The following NEGR1 variants were observed in gnomAD, a reference collection of about 807,000 sequenced individuals.
The protein encoded by NEGR1 is neuronal growth regulator 1, also known as IgLON family member 4.
A neutral mutation model predicts 40.9 loss-of-function variants in NEGR1; 10 were observed. That is an observed-to-expected ratio of 0.24 (90% CI 0.15 to 0.42). The LOEUF is 0.42. NEGR1 is among the 10% of genes least tolerant of loss of function. The pLI is 1.00. For synonymous variants in NEGR1, 185 were observed against 166.8 expected, an observed-to-expected ratio of 1.11 and a Z score of -0.84; for missense variants, 352 against 438.9, an observed-to-expected ratio of 0.80 and a Z score of 1.77.
At chr1:71,897,666 C>G (rs1265330519) in intron 2 of NEGR1, among the ~76,000 whole-genome samples, 1 of 152,058 alleles carries the variant, frequency 6.6e-6, no homozygotes, top group Non-Finnish European at 1.5e-5. Context: ...TGAAAATTTG[C>G]TAATGGTATA....
chr1:71,442,868 C>T (rs2101315287), intron 6 of NEGR1, among the ~76,000 whole-genome samples: 1 of 152,260 alleles, frequency 6.6e-6, no homozygotes, highest in Admixed American at 6.5e-5. Flanking sequence ...TTGAGACAAT[C>T]ATCTTCCCAA....
At chr1:71,966,093 A>G (rs1646207505) in intron 1 of NEGR1, among the ~76,000 whole-genome samples, 1 of 152,208 alleles carries the variant, frequency 6.6e-6, no homozygotes, top group Non-Finnish European at 1.5e-5. Flanking sequence ...ATTCATTCAA[A>G]TAATATTTGT....
At chr1:71,866,378 A>G (rs1175321765) in intron 2 of NEGR1, among the ~76,000 whole-genome samples, 1 of 152,198 alleles carries the variant, frequency 6.6e-6, no homozygotes, top group East Asian at 1.9e-4. Flanking sequence ...ATCCATTATA[A>G]TGTCAGTAAG....
In NEGR1 at chr1:71,406,608, T is replaced by C. The variant is rs1211980604; in HGVS notation, c.*838A>G. 1.3e-5 allele frequency: 2 copies of C among 152,500 alleles called. No individual in the cohort carries two copies. Among genetic ancestry groups the C allele is most frequent in the South Asian group, 2.1e-4 (1 of 4,832 alleles). The allele number at this position is 152,500 out of a possible 1,614,324, so 9.4% of individuals were successfully genotyped here. ...ATATGGTATATTTACTATACTGTTA[T>C]TAAATTGTCTCTCATCACAAGAACT... On this transcript the variant is annotated 3_prime_UTR_variant, in exon 7 of 7. Coordinates refer to ENST00000357731, the MANE Select transcript of NEGR1 (RefSeq NM_173808.3).
At chr1:71,486,900 T>G (rs563989261) in intron 6 of NEGR1, 1 of 151,680 alleles carries the variant, frequency 6.6e-6, no homozygotes, top group African/African-American at 2.4e-5. Context: ...CTTCAGTTAC[T>G]TGTTCCTCTC....
chr1:71,923,371 T>A (rs1181140040), intron 2 of NEGR1, among the ~76,000 whole-genome samples: 1 of 149,630 alleles, frequency 6.7e-6, no homozygotes, highest in African/African-American at 2.4e-5. Flanking sequence ...ACACACACAC[T>A]CTCTCTCTCT....
intron 6 of NEGR1, among the ~76,000 whole-genome samples, chr1:71,474,399 G>C (rs1174964012): frequency 6.6e-6 from 1 of 151,386 alleles, no homozygotes; most frequent in Non-Finnish European, 1.5e-5. Flanking sequence ...AGGGCCAGGA[G>C]GGGTGGCTCA....
chr1:72,181,392 T>C (rs1355407128), intron 1 of NEGR1, among the ~76,000 whole-genome samples: 1 of 152,116 alleles, frequency 6.6e-6, no homozygotes, highest in Non-Finnish European at 1.5e-5. Flanking sequence ...GCACTTTCTT[T>C]GTCCATGCTA....
chr1:71,917,373 A>G (rs527977204), intron 2 of NEGR1, among the ~76,000 whole-genome samples: 16 of 152,362 alleles, frequency 1.1e-4, no homozygotes, highest in African/African-American at 3.6e-4. Flanking sequence ...GATTAACTCC[A>G]TATTTTAAGG....
chr1:71,770,677 G>A (rs541923210), intron 3 of NEGR1, among the ~76,000 whole-genome samples: 1 of 152,208 alleles, frequency 6.6e-6, no homozygotes, highest in East Asian at 1.9e-4. Context: ...ACTCCTAATG[G>A]TCAAACTGAA....
chr1:72,060,376 G>A (rs1398867050), intron 1 of NEGR1, among the ~76,000 whole-genome samples: 2 of 151,690 alleles, frequency 1.3e-5, no homozygotes, highest in African/African-American at 2.4e-5. Flanking sequence ...AATTAAAGAT[G>A]GTAAAAATTG....
intron 5 of NEGR1, among the ~76,000 whole-genome samples, chr1:71,596,268 A>G (rs1416053204): frequency 1.3e-5 from 2 of 152,168 alleles, no homozygotes; most frequent in Non-Finnish European, 2.9e-5. Flanking sequence ...TTTGCTCCAC[A>G]TCGAGAACCA....
At chr1:71,411,722 G>A (rs981800976) in intron 6 of NEGR1, among the ~76,000 whole-genome samples, 15 of 152,164 alleles carry the variant, frequency 9.9e-5, no homozygotes, top group East Asian at 3.9e-4. Flanking sequence ...TATGTTGCTC[G>A]GGTGCAGTGG....
intron 1 of NEGR1, among the ~76,000 whole-genome samples, chr1:72,069,130 C>T (rs2100506854): frequency 6.6e-6 from 1 of 152,062 alleles, no homozygotes; most frequent in South Asian, 2.1e-4. Flanking sequence ...TAAACGATGG[C>T]TGGGTGTGGT....
At chr1:71,669,879 C>T (rs1379496207) in intron 4 of NEGR1, among the ~76,000 whole-genome samples, 1 of 152,080 alleles carries the variant, frequency 6.6e-6, no homozygotes, top group Non-Finnish European at 1.5e-5. Context: ...CTCGATCTGA[C>T]CTCATGATCT....
At chr1:72,124,595 A>ATCCCC (rs1204930300) in intron 1 of NEGR1, among the ~76,000 whole-genome samples, 2 of 152,100 alleles carry the variant, frequency 1.3e-5, no homozygotes, top group Non-Finnish European at 2.9e-5. Flanking sequence ...TTGAACTAAA[A>ATCCCC]TTAATCTGGG....
chr1:72,083,524 C>G (rs1648087550), intron 1 of NEGR1, among the ~76,000 whole-genome samples: 1 of 152,024 alleles, frequency 6.6e-6, no homozygotes, highest in Non-Finnish European at 1.5e-5. Context: ...ATGCCCAGCT[C>G]TCTCTGTTTG....
At chr1:72,181,288 G>A (rs964014505) in intron 1 of NEGR1, among the ~76,000 whole-genome samples, 2 of 152,110 alleles carry the variant, frequency 1.3e-5, no homozygotes, top group African/African-American at 4.8e-5. Context: ...ATAAGGTTGG[G>A]CAGAATGCTG....
intron 3 of NEGR1, among the ~76,000 whole-genome samples, chr1:71,761,345 G>C (rs938875092): frequency 6.6e-6 from 1 of 152,130 alleles, no homozygotes; most frequent in Non-Finnish European, 1.5e-5. Context: ...TTACAAAAAA[G>C]ACAGCAGGAC....
Sources: gnomAD v4.1 joint callset for allele counts (sites outside exome capture counted in the v4.1 genomes callset) on GRCh38, gnomAD v4.1.1 for gene constraint, MANE v1.5 for transcripts, NCBI Gene and HGNC (gene_info 2026-07-23, HGNC 2026-07-21) for gene names.